The following GLIS3 variants were observed in gnomAD, a reference collection of about 807,000 sequenced individuals.
GLIS3 encodes the protein zinc finger protein GLIS3.
Under a neutral mutation model 78.6 loss-of-function variants are expected in GLIS3, and 53 were observed. The ratio of observed to expected loss-of-function variants is 0.67; its 90% confidence interval spans 0.54 to 0.85. GLIS3 has a LOEUF of 0.85. Ranked by LOEUF, GLIS3 falls within the 40% of genes least tolerant of loss-of-function variation. The pLI is 0.00. For synonymous variants in GLIS3, 684 were observed against 509.9 expected (o/e 1.34, Z -4.60); for missense variants, 1,703 against 1,231.1 (o/e 1.38, Z -5.74).
intron 2 of GLIS3, among the ~76,000 whole-genome samples, chr9:4,152,397 G>C (rs1327920274): frequency 6.6e-6 from 1 of 152,072 alleles, no homozygotes; most frequent in African/African-American, 2.4e-5. Context: ...CAATAACAAG[G>C]TTTACATTTT....
intron 7 of GLIS3, among the ~76,000 whole-genome samples, chr9:3,894,059 TCA>T (rs1369446363): frequency 6.6e-6 from 1 of 152,206 alleles, no homozygotes; most frequent in East Asian, 1.9e-4. Flanking sequence ...AAGGAATGCT[TCA>T]CACAGACTTT....
intron 2 of GLIS3, among the ~76,000 whole-genome samples, chr9:4,312,501 A>G (rs896055171): frequency 6.6e-6 from 1 of 152,212 alleles, no homozygotes; most frequent in Non-Finnish European, 1.5e-5. Flanking sequence ...GTACACATAA[A>G]CAGGCACCCA....
At chr9:4,388,238 C>A in the GLIS3 span, among the ~76,000 whole-genome samples, 5 of 151,990 alleles carry the variant, frequency 3.3e-5, no homozygotes, top group African/African-American at 1.2e-4. Flanking sequence ...AATAAGCAAG[C>A]AAAAAATATT....
At chr9:4,269,518 C>G (rs1826315971) in intron 2 of GLIS3, among the ~76,000 whole-genome samples, 1 of 152,194 alleles carries the variant, frequency 6.6e-6, no homozygotes, top group South Asian at 2.1e-4. Context: ...AACCAGATGT[C>G]TGAACCACCA....
At chr9:4,464,063 T>C in the GLIS3 span, among the ~76,000 whole-genome samples, 515 of 152,308 alleles carry the variant, frequency 3.4e-3, 1 homozygote, top group Non-Finnish European at 5.1e-3. Context: ...CTTTATGTGG[T>C]ACACTGGCAA....
chr9:4,064,276 A>G (rs2130585102), intron 4 of GLIS3, among the ~76,000 whole-genome samples: 1 of 152,328 alleles, frequency 6.6e-6, no homozygotes, highest in Non-Finnish European at 1.5e-5. Flanking sequence ...GAAAAATTAT[A>G]AAAGTATTAG....
intron 2 of GLIS3, among the ~76,000 whole-genome samples, chr9:4,239,013 G>C (rs937602877): frequency 6.6e-6 from 1 of 151,924 alleles, no homozygotes; most frequent in African/African-American, 2.4e-5. Flanking sequence ...CAAAGGACAT[G>C]AACTCATCAT....
chr9:3,958,564 T>A (rs1177296233), intron 4 of GLIS3, among the ~76,000 whole-genome samples: 3 of 152,344 alleles, frequency 2.0e-5, no homozygotes, highest in Non-Finnish European at 2.9e-5. Context: ...CAGGGTCCTG[T>A]CTTATACTTC....
chr9:4,469,306 C>T, the GLIS3 span, among the ~76,000 whole-genome samples: 176 of 152,206 alleles, frequency 1.2e-3, no homozygotes, highest in Non-Finnish European at 1.8e-3. Flanking sequence ...TCTACAGAAC[C>T]CTCCACCCCA....
chr9:3,984,639 A>T (rs1227264536), intron 4 of GLIS3, among the ~76,000 whole-genome samples: 1 of 152,084 alleles, frequency 6.6e-6, no homozygotes, highest in African/African-American at 2.4e-5. Context: ...ATGAGTTAAG[A>T]CTTTGGGGGA....
intron 4 of GLIS3, among the ~76,000 whole-genome samples, chr9:3,968,935 A>G (rs997746923): frequency 6.6e-5 from 10 of 152,170 alleles, no homozygotes; most frequent in Non-Finnish European, 1.3e-4. Flanking sequence ...TTTAAATATG[A>G]CTCCACAGAG....
At chr9:4,220,970 G>A (rs1821282381) in intron 2 of GLIS3, among the ~76,000 whole-genome samples, 1 of 152,236 alleles carries the variant, frequency 6.6e-6, no homozygotes, top group Non-Finnish European at 1.5e-5. Context: ...GGGTTACACA[G>A]CAAGACCCTG....
chr9:3,949,349 C>G (rs1370265087), intron 4 of GLIS3, among the ~76,000 whole-genome samples: 1 of 152,162 alleles, frequency 6.6e-6, no homozygotes, highest in Non-Finnish European at 1.5e-5. Flanking sequence ...TTTTAACTAA[C>G]TATACTTCTC....
intron 4 of GLIS3, among the ~76,000 whole-genome samples, chr9:3,981,170 T>C (rs1447485671): frequency 6.6e-6 from 1 of 152,214 alleles, no homozygotes; most frequent in African/African-American, 2.4e-5. Flanking sequence ...CTTAGCCCTC[T>C]GTGCTCAGCC....
At chr9:4,480,398 CATT>C in the GLIS3 span, among the ~76,000 whole-genome samples, 3 of 151,898 alleles carry the variant, frequency 2.0e-5, no homozygotes, top group Non-Finnish European at 4.4e-5. Context: ...GTCAGTGTCT[CATT>C]ATGTTTTTCA....
At chr9:4,226,280 T>A (rs546742618) in intron 2 of GLIS3, among the ~76,000 whole-genome samples, 1 of 152,320 alleles carries the variant, frequency 6.6e-6, no homozygotes, top group South Asian at 2.1e-4. Flanking sequence ...TATTTAGATA[T>A]AGCCTGCATT....
Position 4,119,522 on chromosome 9 carries a change from G to A in GLIS3, c.597-641C>T, listed in dbSNP as rs372947411. Among the ~76,000 whole-genome samples, 25 of 152,178 alleles carry A rather than the reference G, an allele frequency of 1.6e-4. No individual in the cohort carries two copies. In the South Asian group the frequency reaches 2.3e-3, roughly 14 times the overall value. The stretch of plus-strand genomic sequence containing the variant: ...GTTACATCAAATCACCCCAGAAAAT[G>A]AAAACAATATAAAAAGCAGCTATAA... On this transcript the variant is annotated intron_variant, in intron 3 of 10. Coordinates refer to ENST00000381971, the MANE Select transcript of GLIS3 (RefSeq NM_001042413.2).
Position 3,844,563 on chromosome 9 carries a change from C to A in GLIS3, c.2473+11446G>T, listed in dbSNP as rs532492558. On this transcript the variant is annotated intron_variant, in intron 9 of 10. Coordinates refer to ENST00000381971, the MANE Select transcript of GLIS3 (RefSeq NM_001042413.2). ...TATAATAATATTAATTAAACACTTTCTATAGGCATTTTTAAGTTGACTGAC... is the reference window on the plus strand; with the variant it reads ...TATAATAATATTAATTAAACACTTTATATAGGCATTTTTAAGTTGACTGAC... Among the ~76,000 whole-genome samples the A allele has an allele frequency of 5.3e-5, 8 of 152,262 alleles. No homozygotes were observed. In the South Asian group the frequency reaches 1.7e-3, roughly 32 times the overall value.
At chr9:4,205,175 C>CAA (rs200420029) in intron 2 of GLIS3, among the ~76,000 whole-genome samples, 26,906 of 124,010 alleles carry the variant, frequency 0.22, 3,406 homozygotes, top group Non-Finnish European at 0.28. Flanking sequence ...GAGACTCTGT[C>CAA]AAAAAAAAAA....
Sources: gnomAD v4.1 joint callset for allele counts (sites outside exome capture counted in the v4.1 genomes callset) on GRCh38, gnomAD v4.1.1 for gene constraint, MANE v1.5 for transcripts, NCBI Gene and HGNC (gene_info 2026-07-23, HGNC 2026-07-21) for gene names.